PRDM5: variants seen among roughly 807,000 people sequenced by gnomAD.
The protein encoded by PRDM5 is PR/SET domain 5.
Under a neutral mutation model 81.2 loss-of-function variants are expected in PRDM5, and 56 were observed. That is an observed-to-expected ratio of 0.69 (90% CI 0.56 to 0.86). The LOEUF is 0.86. Ranked by LOEUF, PRDM5 falls within the 40% of genes least tolerant of loss-of-function variation. The pLI is 0.00. For missense variants in PRDM5, 697 were observed against 770.1 expected, an observed-to-expected ratio of 0.91 and a Z score of 1.12; for synonymous variants, 267 against 256.4, an observed-to-expected ratio of 1.04 and a Z score of -0.39.
At chr4:120,759,470 C>T (rs149893283) in intron 13 of PRDM5, among the ~76,000 whole-genome samples, 27 of 152,284 alleles carry the variant, frequency 1.8e-4, no homozygotes, top group Middle Eastern at 3.4e-3. Context: ...GTTACCTGTA[C>T]AGTCAACAGG....
intron 15 of PRDM5, among the ~76,000 whole-genome samples, chr4:120,701,100 G>A (rs1051385119): frequency 2.0e-5 from 3 of 151,858 alleles, no homozygotes; most frequent in African/African-American, 7.3e-5. Context: ...ACTCCAGCCT[G>A]GGCGACAGAG....
At chr4:120,739,564 C>A (rs905975818) in intron 14 of PRDM5, among the ~76,000 whole-genome samples, 1 of 152,104 alleles carries the variant, frequency 6.6e-6, no homozygotes, top group Non-Finnish European at 1.5e-5. Context: ...ACTCTTGTAA[C>A]CTTAACTATA....
chr4:120,913,733 C>T (rs1156961138), intron 1 of PRDM5, among the ~76,000 whole-genome samples: 4 of 152,134 alleles, frequency 2.6e-5, no homozygotes, highest in Non-Finnish European at 5.9e-5. Context: ...GGTGTTCTCT[C>T]CAGTAGACTT....
chr4:120,915,555 G>T (rs183073668), intron 1 of PRDM5, among the ~76,000 whole-genome samples: 122 of 152,298 alleles, frequency 8.0e-4, no homozygotes, highest in South Asian at 3.5e-3. Flanking sequence ...TACACCTCCT[G>T]TCCTGACCTT....
At chr4:120,845,375 AG>A (rs1202773104) in intron 3 of PRDM5, among the ~76,000 whole-genome samples, 2 of 152,234 alleles carry the variant, frequency 1.3e-5, no homozygotes, top group African/African-American at 4.8e-5. Context: ...CTAATGCTGC[AG>A]GTGACTTTAC....
chr4:120,715,026 T>C (rs1404240588), intron 14 of PRDM5, among the ~76,000 whole-genome samples: 2 of 152,174 alleles, frequency 1.3e-5, no homozygotes, highest in East Asian at 3.9e-4. Context: ...TAGTCCCCAA[T>C]TTTATTTTGA....
At chr4:120,799,310 G>C (rs1360496645) in intron 9 of PRDM5, among the ~76,000 whole-genome samples, 1 of 152,116 alleles carries the variant, frequency 6.6e-6, no homozygotes, top group Admixed American at 6.5e-5. Context: ...CACTATGCTA[G>C]CACAGTACCT....
intron 2 of PRDM5, among the ~76,000 whole-genome samples, chr4:120,886,544 G>A (rs1763452634): frequency 6.6e-6 from 1 of 152,102 alleles, no homozygotes; most frequent in Non-Finnish European, 1.5e-5. Flanking sequence ...TATAAAGTAG[G>A]CAAGGCTCAG....
At chr4:120,756,222 T>C (rs761995868) in intron 13 of PRDM5, among the ~76,000 whole-genome samples, 1 of 152,142 alleles carries the variant, frequency 6.6e-6, no homozygotes, top group Non-Finnish European at 1.5e-5. Flanking sequence ...TGAGCCCCAA[T>C]CTCCATGTAC....
intron 3 of PRDM5, chr4:120,838,732 T>C (rs903263102): frequency 6.4e-6 from 1 of 156,524 alleles, no homozygotes; most frequent in Non-Finnish European, 1.4e-5. Flanking sequence ...GGGGTGTTGC[T>C]TTTCTGGCTG....
At chr4:120,812,062 T>A (rs1306175095) in intron 7 of PRDM5, among the ~76,000 whole-genome samples, 1 of 152,134 alleles carries the variant, frequency 6.6e-6, no homozygotes, top group Non-Finnish European at 1.5e-5. Flanking sequence ...CATCATTCTA[T>A]TCTCTATCTT....
chr4:120,791,095 T>A (rs747624090), intron 10 of PRDM5, among the ~76,000 whole-genome samples: 20 of 152,162 alleles, frequency 1.3e-4, no homozygotes, highest in Non-Finnish European at 2.6e-4. Context: ...TTATACACTG[T>A]TAAGAGAAAG....
At chr4:120,733,774 A>G (rs1740617802) in intron 14 of PRDM5, among the ~76,000 whole-genome samples, 1 of 152,168 alleles carries the variant, frequency 6.6e-6, no homozygotes, top group African/African-American at 2.4e-5. Flanking sequence ...ATATATAAAT[A>G]CCAATGAGGA....
At chr4:120,787,714 T>C (rs1052827868) in intron 10 of PRDM5, among the ~76,000 whole-genome samples, 16 of 152,290 alleles carry the variant, frequency 1.1e-4, no homozygotes, top group South Asian at 2.1e-4. Flanking sequence ...AATGCAATGA[T>C]GGATTAGCCA....
At chr4:120,756,307 C>A (rs151076689) in intron 13 of PRDM5, among the ~76,000 whole-genome samples, 4 of 152,096 alleles carry the variant, frequency 2.6e-5, no homozygotes, top group Admixed American at 6.5e-5. Context: ...TTTGAATTTG[C>A]GGTATTTATC....
At chr4:120,861,922 T>C (rs904268052) in intron 2 of PRDM5, among the ~76,000 whole-genome samples, 4 of 152,224 alleles carry the variant, frequency 2.6e-5, no homozygotes, top group African/African-American at 7.2e-5. Context: ...AAAAAAATTT[T>C]TTTAATCTAC....
At chr4:120,725,032 G>A (rs1486347638) in intron 14 of PRDM5, among the ~76,000 whole-genome samples, 1 of 152,312 alleles carries the variant, frequency 6.6e-6, no homozygotes, top group East Asian at 1.9e-4. Flanking sequence ...TCCTGGCAGA[G>A]ATCTTGCTAG....
intron 15 of PRDM5, among the ~76,000 whole-genome samples, chr4:120,706,986 A>T (rs1214886496): frequency 7.0e-6 from 1 of 142,364 alleles, no homozygotes; most frequent in African/African-American, 2.5e-5. Flanking sequence ...ATGCTACCAA[A>T]CATTTAAAGA....
chr4:120,904,189 C>CA lies in PRDM5; in HGVS notation c.177+3284dup, dbSNP rs1170050475. Among the ~76,000 whole-genome samples, 75 of 42,582 alleles carry CA rather than the reference C, an allele frequency of 1.8e-3. 4 individuals are homozygous for CA. The highest frequency in any genetic ancestry group is 5.5e-3 in the South Asian group (3 of 546). 27.9% of individuals were successfully genotyped at this position (42,582 alleles called of 152,430 possible). On this transcript the variant is annotated intron_variant, in intron 2 of 15. Transcript: ENST00000264808. ...TGGGTGACAGAGGGAGACTCCTTCT[C>CA]AAAAAAAAAAAAAAAACAAAAAAAC...
Sources: gnomAD v4.1 joint callset for allele counts (sites outside exome capture counted in the v4.1 genomes callset) on GRCh38, gnomAD v4.1.1 for gene constraint, MANE v1.5 for transcripts, NCBI Gene and HGNC (gene_info 2026-07-23, HGNC 2026-07-21) for gene names.